Variants in CDH13 observed in about 807,000 individuals in gnomAD.
CDH13 encodes the protein cadherin 13.
A neutral mutation model predicts 63.8 loss-of-function variants in CDH13; 24 were observed. The ratio of observed to expected loss-of-function variants is 0.38; its 90% confidence interval spans 0.27 to 0.53. CDH13 has a LOEUF of 0.53. Among genes scored for constraint, CDH13 ranks in the 20% least tolerant of loss-of-function variants. CDH13 has a pLI of 0.85. For synonymous variants in CDH13, 503 were observed against 355.3 expected (o/e 1.42, Z -4.67); for missense variants, 1,049 against 903.1 (o/e 1.16, Z -2.07).
chr16:83,779,308 G>A (rs767808041), intron 11 of CDH13, among the ~76,000 whole-genome samples: 5 of 150,010 alleles, frequency 3.3e-5, no homozygotes, highest in African/African-American at 7.3e-5. Flanking sequence ...TCGGGAGGCT[G>A]AGGCAGGGGA....
chr16:83,711,899 T>G (rs1567539812), intron 10 of CDH13, among the ~76,000 whole-genome samples: 1 of 152,214 alleles, frequency 6.6e-6, no homozygotes, highest in Non-Finnish European at 1.5e-5. Flanking sequence ...CTGAGCAGCT[T>G]AAGTAGCAGA....
rs545813269 is a variant in CDH13 at position 82,994,490 on chromosome 16, C to T, written c.158-37520C>T. ...GCAAAGAGACCATGGAGAGCGTAGC[C>T]TTTCATCGTAATCTCCCAACCTTTA... On this transcript the variant is annotated intron_variant, in intron 2 of 13. Transcript: ENST00000567109. Among the ~76,000 whole-genome samples the T allele has an allele frequency of 1.8e-4, 27 of 152,308 alleles. No homozygotes were observed. In the East Asian group the frequency reaches 5.2e-3, roughly 29 times the overall value.
chr16:83,075,917 G>A lies in CDH13; in HGVS notation c.366+43699G>A, dbSNP rs555612102. The stretch of plus-strand genomic sequence containing the variant: ...CTGCAAAAATCCTCTAAACACATAC[G>A]AGGAGCTACATTATACCTTTAAGTG... On this transcript the variant is annotated intron_variant, in intron 3 of 13. Coordinates refer to ENST00000567109, the MANE Select transcript of CDH13 (RefSeq NM_001257.5). Among the ~76,000 whole-genome samples, 10 of 152,234 alleles carry A rather than the reference G, an allele frequency of 6.6e-5. No individual in the cohort carries two copies. The South Asian group carries it at 8.3e-4, about 13-fold the overall frequency.
intron 6 of CDH13, among the ~76,000 whole-genome samples, chr16:83,462,888 T>G (rs2073216067): frequency 6.6e-6 from 1 of 152,140 alleles, no homozygotes; most frequent in Non-Finnish European, 1.5e-5. Flanking sequence ...ACCTAGATCC[T>G]AGGTACCTGG....
chr16:82,896,456 G>T (rs1597162722), intron 2 of CDH13, among the ~76,000 whole-genome samples: 1 of 151,492 alleles, frequency 6.6e-6, no homozygotes, highest in East Asian at 2.0e-4. Flanking sequence ...ACTATGCCTG[G>T]GTAATTTTTG....
At position 83,270,176 on chromosome 16, in the gene CDH13, GAAATAA is replaced by G. The variant is rs2088758863; in HGVS notation, c.636+52680_636+52685del. On this transcript the variant is annotated intron_variant, in intron 5 of 13. Coordinates refer to ENST00000567109, the MANE Select transcript of CDH13 (RefSeq NM_001257.5). ...TTACACAGCAGGGCAATAATCTATTGAAATAAGCCCAAAAAGGGGGCAGCTTGTAAT... is the reference window on the plus strand; with the variant it reads ...TTACACAGCAGGGCAATAATCTATTGGCCCAAAAAGGGGGCAGCTTGTAAT... Among the ~76,000 whole-genome samples the G allele has an allele frequency of 2.0e-5, 3 of 152,234 alleles. No homozygotes were observed. In the South Asian group the frequency reaches 6.2e-4, roughly 32 times the overall value.
intron 2 of CDH13, among the ~76,000 whole-genome samples, chr16:82,908,330 C>T (rs1394536916): frequency 1.3e-5 from 2 of 152,022 alleles, no homozygotes; most frequent in Non-Finnish European, 2.9e-5. Flanking sequence ...CCAAGTAGGA[C>T]CAGCTAGTAA....
At position 83,523,494 on chromosome 16, in the gene CDH13, G is replaced by A. The variant is rs1425935461; in HGVS notation, c.960+36839G>A. Among the ~76,000 whole-genome samples, 12 of 152,152 alleles carry A rather than the reference G, an allele frequency of 7.9e-5. No individual in the cohort carries two copies. The East Asian group carries it at 2.3e-3, about 29-fold the overall frequency. On this transcript the variant is annotated intron_variant, in intron 7 of 13. Coordinates refer to ENST00000567109, the MANE Select transcript of CDH13 (RefSeq NM_001257.5). The stretch of plus-strand genomic sequence containing the variant: ...TGAAGAGAAACTCACCTCCCACCCT[G>A]GAATCCACTGGAGCAGCCTGTACCC...
intron 6 of CDH13, among the ~76,000 whole-genome samples, chr16:83,435,640 G>A (rs1360800802): frequency 1.3e-5 from 2 of 152,268 alleles, no homozygotes; most frequent in East Asian, 3.9e-4. Context: ...TGTCTGAGTT[G>A]CTTTTCCCTG....
chr16:83,407,867 A>C (rs1196748521), intron 6 of CDH13, among the ~76,000 whole-genome samples: 1 of 152,254 alleles, frequency 6.6e-6, no homozygotes, highest in Admixed American at 6.5e-5. Flanking sequence ...CGACTCACAA[A>C]TGTATAACTG....
At chr16:83,493,270 C>T (rs750237896) in intron 7 of CDH13, among the ~76,000 whole-genome samples, 4 of 152,206 alleles carry the variant, frequency 2.6e-5, no homozygotes, top group South Asian at 2.1e-4. Context: ...TCCTACAGGA[C>T]GTACATTTAC....
intron 2 of CDH13, among the ~76,000 whole-genome samples, chr16:82,910,969 G>A (rs771066455): frequency 1.3e-5 from 2 of 152,098 alleles, no homozygotes; most frequent in African/African-American, 2.4e-5. Context: ...AATGCCCTCC[G>A]CCAGAACCTA....
intron 3 of CDH13, among the ~76,000 whole-genome samples, chr16:83,061,619 C>T (rs1377094962): frequency 2.0e-5 from 3 of 152,192 alleles, no homozygotes; most frequent in Non-Finnish European, 4.4e-5. Context: ...AAATTGTCAC[C>T]AAATGACTGT....
At chr16:83,559,508 T>C (rs1567763531) in intron 7 of CDH13, among the ~76,000 whole-genome samples, 1 of 151,052 alleles carries the variant, frequency 6.6e-6, no homozygotes, top group African/African-American at 2.4e-5. Context: ...GAGACAGAGG[T>C]TGTGGTGAGC....
At chr16:82,648,042 G>A (rs959113992) in intron 1 of CDH13, among the ~76,000 whole-genome samples, 1 of 152,206 alleles carries the variant, frequency 6.6e-6, no homozygotes, top group East Asian at 1.9e-4. Context: ...CTGCTGCCAT[G>A]TGAGACATGC....
intron 5 of CDH13, among the ~76,000 whole-genome samples, chr16:83,307,209 C>T (rs2089901448): frequency 6.6e-6 from 1 of 152,184 alleles, no homozygotes; most frequent in African/African-American, 2.4e-5. Context: ...GGAACACCAG[C>T]CCTGCCCTAT....
At chr16:83,361,206 T>G (rs969357209) in intron 6 of CDH13, among the ~76,000 whole-genome samples, 2 of 152,232 alleles carry the variant, frequency 1.3e-5, no homozygotes, top group Non-Finnish European at 2.9e-5. Context: ...ATTTTTCATA[T>G]GTTTTTTGGA....
At chr16:83,367,602 A>G (rs1186530476) in intron 6 of CDH13, among the ~76,000 whole-genome samples, 1 of 152,212 alleles carries the variant, frequency 6.6e-6, no homozygotes, top group African/African-American at 2.4e-5. Flanking sequence ...TCCATTTTAC[A>G]TTTCCATCAG....
intron 5 of CDH13, among the ~76,000 whole-genome samples, chr16:83,281,533 C>G (rs566392330): frequency 2.9e-4 from 44 of 152,290 alleles, no homozygotes; most frequent in African/African-American, 9.1e-4. Context: ...AAGAACTTTT[C>G]CTTTGCATTC....
Sources: gnomAD v4.1 joint callset for allele counts (sites outside exome capture counted in the v4.1 genomes callset) on GRCh38, gnomAD v4.1.1 for gene constraint, MANE v1.5 for transcripts, NCBI Gene and HGNC (gene_info 2026-07-23, HGNC 2026-07-21) for gene names.